The following ACACA variants were observed in gnomAD, a reference collection of about 807,000 sequenced individuals.
ACACA encodes the protein acetyl-CoA carboxylase 1.
In ACACA, 103 loss-of-function variants were observed where a neutral mutation model predicts 296.1. The ratio of observed to expected loss-of-function variants is 0.35; its 90% CI spans 0.30 to 0.41. ACACA has a LOEUF of 0.41. Ranked by LOEUF, ACACA falls within the 10% of genes least tolerant of loss-of-function variation. ACACA has a pLI of 1.00. For missense variants in ACACA, 1,554 were observed against 2,989.7 expected (o/e 0.52, Z 11.20); for synonymous variants, 953 against 1,038.6 (o/e 0.92, Z 1.58).
chr17:37,229,390 G>A (rs2079727107), intron 25 of ACACA, among the ~76,000 whole-genome samples: 1 of 151,712 alleles, frequency 6.6e-6, no homozygotes, highest in Admixed American at 6.6e-5. Flanking sequence ...TGCAAGCTCC[G>A]CCTCCGGGGT....
intron 1 of ACACA, among the ~76,000 whole-genome samples, chr17:37,394,970 G>A (rs1597798179): frequency 6.6e-6 from 1 of 151,546 alleles, no homozygotes; most frequent in Non-Finnish European, 1.5e-5. Context: ...ATACTCAAAA[G>A]TATAAAGAAT....
intron 11 of ACACA, among the ~76,000 whole-genome samples, chr17:37,262,048 GCTTC>G (rs2081537308): frequency 6.6e-6 from 1 of 152,002 alleles, no homozygotes; most frequent in Non-Finnish European, 1.5e-5. Context: ...ACTGGATGGG[GCTTC>G]AGGTTGTCTT....
chr17:37,287,054 C>G (rs1212664426), intron 3 of ACACA, among the ~76,000 whole-genome samples: 1 of 152,140 alleles, frequency 6.6e-6, no homozygotes, highest in African/African-American at 2.4e-5. Flanking sequence ...TGTGACTGCA[C>G]CTTGACTGAT....
At chr17:37,172,743 A>T (rs138562800) in intron 41 of ACACA, among the ~76,000 whole-genome samples, 3 of 152,332 alleles carry the variant, frequency 2.0e-5, no homozygotes, top group African/African-American at 4.8e-5. Context: ...GATAATCATA[A>T]TTATACATAA....
At chr17:37,315,415 G>A (rs998794306) in intron 3 of ACACA, among the ~76,000 whole-genome samples, 3 of 152,126 alleles carry the variant, frequency 2.0e-5, no homozygotes, top group African/African-American at 7.2e-5. Context: ...GTTCTGTCCA[G>A]CTACCAACTG....
rs2076802352 is a variant in ACACA, at chr17:37,169,404, TCCCTCTG to T, written c.5080-7361_5080-7355del. Among the ~76,000 whole-genome samples, 6 of 152,208 alleles carry T rather than the reference TCCCTCTG, an allele frequency of 3.9e-5. No homozygotes were observed. The South Asian group carries it at 1.0e-3, about 26-fold the overall frequency. On this transcript the variant is annotated intron_variant, in intron 41 of 55. Transcript: ENST00000616317. The stretch of plus-strand genomic sequence containing the variant: ...GATGAAAACTAGATTGAAAAATGCT[TCCCTCTG>T]CCCTTGTTAGATTTAGGAAAAATAA...
intron 25 of ACACA, among the ~76,000 whole-genome samples, chr17:37,233,408 T>C (rs1214361704): frequency 6.6e-6 from 1 of 152,196 alleles, no homozygotes; most frequent in Non-Finnish European, 1.5e-5. Context: ...ATCTTACAAA[T>C]TAGAATTTAA....
chr17:37,237,825 A>C (rs1252823810), intron 24 of ACACA, among the ~76,000 whole-genome samples: 1 of 152,148 alleles, frequency 6.6e-6, no homozygotes, highest in Non-Finnish European at 1.5e-5. Flanking sequence ...CAGTGATGCA[A>C]TCACAGCTCA....
intron 3 of ACACA, chr17:37,299,743 A>C: frequency 1.0e-6 from 1 of 1,002,122 alleles, no homozygotes; most frequent in Non-Finnish European, 1.2e-6. Flanking sequence ...AACGGAGAAA[A>C]GCTCCACTGC....
At chr17:37,303,009 TG>T (rs1419956371) in intron 3 of ACACA, among the ~76,000 whole-genome samples, 4 of 152,126 alleles carry the variant, frequency 2.6e-5, no homozygotes, top group Non-Finnish European at 5.9e-5. Flanking sequence ...TTGCACAGGC[TG>T]GACTTAAACT....
chr17:37,377,843 C>A, intron 1 of ACACA: 2 of 1,533,116 alleles, frequency 1.3e-6, no homozygotes, highest in African/African-American at 1.4e-5. Context: ...CCCAAACCTT[C>A]CCCGGTTCCC....
intron 3 of ACACA, among the ~76,000 whole-genome samples, chr17:37,306,308 A>G (rs994066599): frequency 1.3e-5 from 2 of 152,168 alleles, no homozygotes; most frequent in African/African-American, 4.8e-5. Flanking sequence ...GTCAATCTTC[A>G]TAATTGGTTT....
chr17:37,155,628 C>T (rs984212433), intron 43 of ACACA, 55 bp downstream of exon 43: 8 of 1,187,264 alleles, frequency 6.7e-6, no homozygotes, highest in Non-Finnish European at 8.8e-6. Context: ...GAAAAAAATA[C>T]CATATTCTCC....
At chr17:37,337,722 G>A (rs577096712) in intron 2 of ACACA, among the ~76,000 whole-genome samples, 1 of 152,050 alleles carries the variant, frequency 6.6e-6, no homozygotes, top group African/African-American at 2.4e-5. Context: ...CAAACGGTTG[G>A]GATTATCAGT....
chr17:37,177,125 G>GAAGCC (rs2077145775), intron 41 of ACACA, among the ~76,000 whole-genome samples: 6 of 152,110 alleles, frequency 3.9e-5, no homozygotes, highest in Non-Finnish European at 7.4e-5. Flanking sequence ...TAAAGCACTG[G>GAAGCC]ACAAAGGAAA....
At chr17:37,401,634 C>T (rs1419704199) in intron 1 of ACACA, among the ~76,000 whole-genome samples, 1 of 150,864 alleles carries the variant, frequency 6.6e-6, no homozygotes, top group Non-Finnish European at 1.5e-5. Flanking sequence ...ATCACGGTCA[C>T]TACAGCCTCA....
intron 35 of ACACA, among the ~76,000 whole-genome samples, chr17:37,198,697 GT>G (rs1292780973): frequency 1.3e-5 from 2 of 152,290 alleles, no homozygotes; most frequent in Admixed American, 1.3e-4. Flanking sequence ...GAGTCATGCA[GT>G]CCACAACATT....
At chr17:37,356,643 G>A (rs1422895168) in intron 1 of ACACA, among the ~76,000 whole-genome samples, 1 of 152,114 alleles carries the variant, frequency 6.6e-6, no homozygotes, top group Non-Finnish European at 1.5e-5. Flanking sequence ...CTCTCAAAGT[G>A]CTAGGATTAC....
chr17:37,252,879 T>C lies in ACACA; in HGVS notation c.1977+7A>G. On this transcript the variant is annotated splice_region_variant and intron_variant, in intron 15 of 55. Coordinates refer to ENST00000616317, the MANE Select transcript of ACACA (RefSeq NM_198834.3). ...ATCCCAGCATCTGTTTGTGGAGAAA[T>C]ACACACCTGTACTTTTTCTGCTATC... 3 of 1,614,110 alleles carry C rather than the reference T, an allele frequency of 1.9e-6. No individual in the cohort carries two copies. The highest frequency in any genetic ancestry group is 2.5e-6 in the Non-Finnish European group (3 of 1,180,018).
Sources: gnomAD v4.1 joint callset for allele counts (sites outside exome capture counted in the v4.1 genomes callset) on GRCh38, gnomAD v4.1.1 for gene constraint, MANE v1.5 for transcripts, NCBI Gene and HGNC (gene_info 2026-07-23, HGNC 2026-07-21) for gene names.